The following CCDC171 variants were observed in gnomAD, a reference collection of about 807,000 sequenced individuals.
The protein encoded by CCDC171 is coiled-coil domain containing 171, also known as coiled-coil domain-containing protein 171.
CCDC171 carries 177 observed loss-of-function variants against 168.2 expected under a neutral mutation model. The ratio of observed to expected loss-of-function variants is 1.05; its 90% confidence interval spans 0.93 to 1.19. The LOEUF (loss-of-function observed/expected upper bound fraction) is 1.19, where lower values mean the gene tolerates loss of function less well. Ranked by LOEUF, CCDC171 falls within the 50% of genes most tolerant of loss-of-function variation. The pLI, the probability that CCDC171 is intolerant of heterozygous loss-of-function variation, is 0.00. For synonymous variants in CCDC171, 687 were observed against 540.8 expected (o/e 1.27, Z -3.75); for missense variants, 1,991 against 1,539.0 (o/e 1.29, Z -4.91).
At chr9:15,617,352 A>G (rs1172490585) in intron 6 of CCDC171, among the ~76,000 whole-genome samples, 1 of 147,612 alleles carries the variant, frequency 6.8e-6, no homozygotes, top group Admixed American at 6.8e-5. Flanking sequence ...GAGGCTGATG[A>G]CCTTTGGATG....
At chr9:15,707,357 A>G (rs545799161) in intron 11 of CCDC171, among the ~76,000 whole-genome samples, 23 of 152,224 alleles carry the variant, frequency 1.5e-4, no homozygotes, top group African/African-American at 5.5e-4. Context: ...AAATGTCAGA[A>G]TATTTTGTTT....
intron 24 of CCDC171, among the ~76,000 whole-genome samples, chr9:15,892,187 C>G (rs1056354442): frequency 1.3e-5 from 2 of 152,100 alleles, no homozygotes; most frequent in Non-Finnish European, 2.9e-5. Context: ...TTTGAATAGC[C>G]TTTATTTCTT....
chr9:15,766,733 G>C (rs1331829335), intron 18 of CCDC171, among the ~76,000 whole-genome samples: 1 of 151,906 alleles, frequency 6.6e-6, no homozygotes, highest in Admixed American at 6.6e-5. Context: ...ATAGCTCACT[G>C]CAGCTTCAAA....
intron 18 of CCDC171, among the ~76,000 whole-genome samples, chr9:15,764,327 C>A (rs1025695320): frequency 1.3e-5 from 2 of 152,176 alleles, no homozygotes; most frequent in African/African-American, 4.8e-5. Flanking sequence ...TCTCTGACTT[C>A]TATCAGTAGT....
At chr9:15,730,396 A>G (rs941453687) in intron 16 of CCDC171, among the ~76,000 whole-genome samples, 2 of 151,986 alleles carry the variant, frequency 1.3e-5, no homozygotes, top group African/African-American at 2.4e-5. Flanking sequence ...TACACAAATT[A>G]TCATCAACAT....
chr9:15,902,265 TATATATATATATATATAC>T (rs1821792991), intron 24 of CCDC171, among the ~76,000 whole-genome samples: 2 of 90,744 alleles, frequency 2.2e-5, no homozygotes, highest in Non-Finnish European at 5.3e-5. Flanking sequence ...TATATATGTA[TATATATATATATATATAC>T]ACACACACAC....
chr9:15,772,052 T>C (rs2057040958), intron 18 of CCDC171, among the ~76,000 whole-genome samples: 1 of 152,218 alleles, frequency 6.6e-6, no homozygotes, highest in African/African-American at 2.4e-5. Flanking sequence ...CAGGCTGGTC[T>C]CCAACTCCTG....
chr9:15,939,310 C>T (rs1212459529), intron 25 of CCDC171, among the ~76,000 whole-genome samples: 2 of 151,512 alleles, frequency 1.3e-5, no homozygotes, highest in East Asian at 1.9e-4. Context: ...TATTTGCATA[C>T]AGAATCCTTC....
intron 16 of CCDC171, among the ~76,000 whole-genome samples, chr9:15,734,358 G>T (rs1468788061): frequency 6.6e-6 from 1 of 152,110 alleles, no homozygotes; most frequent in Non-Finnish European, 1.5e-5. Context: ...CCAACATGGA[G>T]AAACCCCGTT....
Position 15,842,912 on chromosome 9 carries a change from G to A in CCDC171, c.3268-3790G>A, listed in dbSNP as rs575766474. 8.6e-5 allele frequency among the ~76,000 whole-genome samples: 13 copies of A among 151,724 alleles called. No homozygotes were observed. In the South Asian group the frequency reaches 2.7e-3, roughly 32 times the overall value. On this transcript the variant is annotated intron_variant, in intron 21 of 25. Coordinates refer to ENST00000380701, the MANE Select transcript of CCDC171 (RefSeq NM_173550.4). ...TACATGCTTATTATAGAAACTTCAG[G>A]AACTATGGATAAGAAAAAATACATT...
At chr9:15,750,345 A>G (rs927986472) in intron 18 of CCDC171, among the ~76,000 whole-genome samples, 2 of 152,182 alleles carry the variant, frequency 1.3e-5, no homozygotes, top group Admixed American at 6.5e-5. Flanking sequence ...CTCACCAAAA[A>G]AAGCCCAGGA....
At chr9:15,979,692 G>A (rs559721493) in intron 3 of CCDC171, among the ~76,000 whole-genome samples, 1 of 151,462 alleles carries the variant, frequency 6.6e-6, no homozygotes, top group Non-Finnish European at 1.5e-5. Flanking sequence ...TCTGGATTCA[G>A]TTTCCTAGGA....
intron 25 of CCDC171, among the ~76,000 whole-genome samples, chr9:15,952,561 C>T (rs1041042771): frequency 1.3e-5 from 2 of 152,088 alleles, no homozygotes; most frequent in African/African-American, 4.8e-5. Context: ...CCAAGCCCGG[C>T]TAATTTTGTA....
At chr9:15,752,980 T>A (rs2055858071) in intron 18 of CCDC171, among the ~76,000 whole-genome samples, 1 of 152,168 alleles carries the variant, frequency 6.6e-6, no homozygotes, top group East Asian at 1.9e-4. Context: ...TATCTTCTTG[T>A]TTATGTTATT....
At chr9:15,705,285 C>A (rs1046686336) in intron 11 of CCDC171, among the ~76,000 whole-genome samples, 1 of 152,194 alleles carries the variant, frequency 6.6e-6, no homozygotes, top group Non-Finnish European at 1.5e-5. Context: ...ACGGAAACTA[C>A]AACAACAAAA....
chr9:15,587,351 G>T (rs2041644058), intron 4 of CCDC171, among the ~76,000 whole-genome samples: 1 of 152,048 alleles, frequency 6.6e-6, no homozygotes, highest in Non-Finnish European at 1.5e-5. Flanking sequence ...TTGTGATATG[G>T]GTCTCACGAG....
At chr9:15,991,921 A>G (rs1477533052) in intron 3 of CCDC171, among the ~76,000 whole-genome samples, 1 of 152,246 alleles carries the variant, frequency 6.6e-6, no homozygotes, top group African/African-American at 2.4e-5. Context: ...AGGCTCTGAA[A>G]TTGAGGCAAT....
chr9:15,720,202 A>T (rs2053385026), intron 11 of CCDC171, among the ~76,000 whole-genome samples: 1 of 152,316 alleles, frequency 6.6e-6, no homozygotes, highest in Non-Finnish European at 1.5e-5. Flanking sequence ...ATGAGATATC[A>T]CCATACTCTG....
intron 4 of CCDC171, among the ~76,000 whole-genome samples, chr9:15,587,093 G>T (rs1047080053): frequency 1.3e-5 from 2 of 152,152 alleles, no homozygotes; most frequent in African/African-American, 4.8e-5. Flanking sequence ...GATTACACGT[G>T]TGAGCCACCA....
Sources: allele counts gnomAD v4.1 joint callset (sites outside exome capture counted in the v4.1 genomes callset), GRCh38; gene constraint gnomAD v4.1.1; transcripts MANE v1.5; gene names NCBI Gene and HGNC (gene_info 2026-07-23, HGNC 2026-07-21).